CSAD: variants seen among roughly 807,000 people sequenced by gnomAD.
CSAD encodes P-selectin cytoplasmic tail-associated protein.
In CSAD, 47 loss-of-function variants were observed where a neutral mutation model predicts 61.5. The observed-to-expected ratio is 0.76, with a 90% CI of 0.60 to 0.97. The LOEUF (loss-of-function observed/expected upper bound fraction) is 0.97. Among genes scored for constraint, CSAD ranks in the 50% least tolerant of loss-of-function variants. CSAD has a pLI of 0.00. For missense variants in CSAD, 611 were observed against 643.6 expected (o/e 0.95, Z 0.55); for synonymous variants, 245 against 252.7 (o/e 0.97, Z 0.29).
At position 53,173,899 on chromosome 12, in the gene CSAD, C is replaced by CA. The variant is rs201227804; in HGVS notation, c.-49-130dup. On this transcript the variant is annotated intron_variant, in intron 2 of 16. Coordinates refer to ENST00000444623, the MANE Select transcript of CSAD (RefSeq NM_001244705.2). ...CTAACGCCAGAACATTTTCATCACC[C>CA]AAAAAAAAACCTCAGTAGCAGTCAT... is the stretch of plus-strand genomic sequence containing the variant. 2,508 of 855,788 alleles carry CA rather than the reference C, an allele frequency of 2.9e-3. 18 individuals are homozygous for CA. The highest frequency in any genetic ancestry group is 0.023 in the African/African-American group (1,336 of 57,432). The allele number at this position is 855,788 out of a possible 1,614,324, so 53.0% of individuals were successfully genotyped here. A position where few individuals can be genotyped will look rare whatever the true frequency, so the allele number is the denominator to read the frequency against.
chr12:53,165,346 A>AAAAAC (rs1212776655), intron 10 of CSAD, among the ~76,000 whole-genome samples: 2 of 150,958 alleles, frequency 1.3e-5, no homozygotes, highest in Non-Finnish European at 3.0e-5. Context: ...CTCTCAAAAA[A>AAAAAC]AAAACAAAAC....
intron 1 of CSAD, chr12:53,179,880 G>A (rs1283377571): frequency 6.2e-7 from 1 of 1,610,904 alleles, no homozygotes; most frequent in Non-Finnish European, 8.5e-7. Context: ...CTAGGCAGAA[G>A]AATTTGAAGA....
chr12:53,160,348 C>T (rs1005220740), intron 13 of CSAD, 29 bp from the exon 14 acceptor site: 1 of 1,606,584 alleles, frequency 6.2e-7, no homozygotes, highest in Non-Finnish European at 8.5e-7. Context: ...ATTGTCAGAC[C>T]CTACCCTCTC....
intron 2 of CSAD, chr12:53,178,538 T>A (rs538982677): frequency 8.8e-5 from 26 of 294,342 alleles, no homozygotes; most frequent in South Asian, 3.6e-4. Context: ...ACACCTGGAA[T>A]CCCAGCACTT....
At chr12:53,173,037 G>T (rs1279140389) in intron 4 of CSAD, among the ~76,000 whole-genome samples, 1 of 152,024 alleles carries the variant, frequency 6.6e-6, no homozygotes, top group East Asian at 1.9e-4. Flanking sequence ...GTGAAACCCC[G>T]TCTCTACTAA....
In CSAD at chr12:53,170,118, AT is replaced by A; in HGVS notation, c.655del (p.Met219TrpfsTer32). 1.2e-6 allele frequency: 2 copies of A among 1,613,890 alleles called. No homozygotes were observed. The highest frequency in any genetic ancestry group is 1.7e-6 in the Non-Finnish European group (2 of 1,179,880). Reference protein sequence around the residue: ...RVVKADERGKMVPEDLERQIG... With the variant: ...RVVKADERGKXVPEDLERQIG... ...CTGCCTCTCCAGATCCTCGGGGACC[AT>A]TTTCCCTCTGAAAAAGAAAATGCAG... On this transcript the variant is annotated frameshift_variant, in exon 10 of 17. Transcript: ENST00000444623. LOFTEE classifies it high-confidence loss of function.
chr12:53,180,966 G>A (rs576789705), upstream of CSAD: 1 of 763,702 alleles, frequency 1.3e-6, no homozygotes, highest in Non-Finnish European at 1.6e-6. Flanking sequence ...GAAGGGAGGG[G>A]GATCTCCGGG....
chr12:53,158,993 A>G (rs1938911602), intron 16 of CSAD, among the ~76,000 whole-genome samples: 1 of 152,130 alleles, frequency 6.6e-6, no homozygotes, highest in Non-Finnish European at 1.5e-5. Context: ...TCTAACTTCA[A>G]GCCTTGGTCA....
intron 2 of CSAD, among the ~76,000 whole-genome samples, chr12:53,175,002 A>C (rs1487831401): frequency 2.0e-5 from 3 of 152,082 alleles, no homozygotes; most frequent in African/African-American, 7.2e-5. Context: ...CAGGGAAGGG[A>C]ATGGGTTCAG....
intron 2 of CSAD, among the ~76,000 whole-genome samples, chr12:53,174,378 C>T (rs948656206): frequency 4.0e-5 from 6 of 151,408 alleles, no homozygotes; most frequent in Non-Finnish European, 8.8e-5. Flanking sequence ...TCATTTGTGG[C>T]TATTTCTGGG....
chr12:53,165,021 T>A (rs557791101), intron 10 of CSAD, among the ~76,000 whole-genome samples: 1 of 152,260 alleles, frequency 6.6e-6, no homozygotes, highest in East Asian at 1.9e-4. Flanking sequence ...ATAACTACTA[T>A]CAAAGTAACA....
chr12:53,173,693 G>A (rs1209280831), intron 3 of CSAD, 35 bp downstream of exon 3: 1 of 1,516,910 alleles, frequency 6.6e-7, no homozygotes, highest in Non-Finnish European at 9.2e-7. Context: ...GTGGACTCTA[G>A]TGGCCATTTC....
In CSAD at chr12:53,173,383, C is replaced by G. The variant is rs756102286; in HGVS notation, c.88G>C (p.Asp30His). 11 of 1,614,204 alleles carry G rather than the reference C, an allele frequency of 6.8e-6. No individual in the cohort carries two copies. In the East Asian group the frequency reaches 2.0e-4, roughly 29 times the overall value. The change falls in exon 4 of 17, where the codon GAT becomes CAT. Residue 30 changes from aspartate to histidine, a missense_variant. Asp to His is a moderately conservative substitution (Grantham distance 81). Transcript: ENST00000444623. ...LLRAVFGVVV[D>H]EAIQKGTSVS... The stretch of plus-strand genomic sequence containing the variant: ...CTGGTTCCTTTCTGAATGGCCTCAT[C>G]CACAACAACCCCAAACACGGCCCGG...
At chr12:53,172,065 C>A in intron 6 of CSAD, 77 bp from the exon 7 acceptor site, 1 of 1,026,626 alleles carries the variant, frequency 9.7e-7, no homozygotes, top group Admixed American at 2.1e-5. Flanking sequence ...GCACAGGAGT[C>A]ACAAAAAGGA....
rs75777049 is a variant in CSAD at position 53,160,412 on chromosome 12, T to C, written c.967-93A>G. The C allele has an allele frequency of 1.7e-4, 212 of 1,283,480 alleles. No homozygotes were observed. The African/African-American group carries it at 2.9e-3, about 18-fold the overall frequency. 79.5% of individuals were successfully genotyped at this position (1,283,480 alleles called of 1,614,324 possible). On this transcript the variant is annotated intron_variant, in intron 13 of 16. Coordinates refer to ENST00000444623, the MANE Select transcript of CSAD (RefSeq NM_001244705.2). ...GTGGGGGTCTTAGCTCAGGATACCC[T>C]CTTCTTTCCCTGGAGCCAGATGGCA...
chr12:53,161,878 T>C (rs1050571029), intron 10 of CSAD, among the ~76,000 whole-genome samples: 8 of 152,048 alleles, frequency 5.3e-5, no homozygotes, highest in African/African-American at 1.9e-4. Context: ...GAGGATTGCT[T>C]GAGCCCAGGA....
At chr12:53,159,281 C>T (rs556480402) in intron 16 of CSAD, among the ~76,000 whole-genome samples, 2 of 152,278 alleles carry the variant, frequency 1.3e-5, no homozygotes, top group South Asian at 2.1e-4. Context: ...CTGGCTTTCT[C>T]GGGTTGCTGT....
intron 2 of CSAD, among the ~76,000 whole-genome samples, chr12:53,174,480 A>G (rs1016956491): frequency 6.6e-6 from 1 of 152,058 alleles, no homozygotes; most frequent in Non-Finnish European, 1.5e-5. Flanking sequence ...ATGGAATTAA[A>G]ATAACGGTTC....
chr12:53,166,818 C>CA (rs757475942), intron 10 of CSAD, among the ~76,000 whole-genome samples: 40 of 151,642 alleles, frequency 2.6e-4, no homozygotes, highest in Non-Finnish European at 4.4e-4. Flanking sequence ...CAAAACAAAA[C>CA]AAAAAAACAA....
Sources: allele counts gnomAD v4.1 joint callset (sites outside exome capture counted in the v4.1 genomes callset), GRCh38; gene constraint gnomAD v4.1.1; transcripts MANE v1.5; gene names NCBI Gene and HGNC (gene_info 2026-07-23, HGNC 2026-07-21).